The following MOCS2 variants were observed in gnomAD, a reference collection of about 807,000 sequenced individuals.
MOCS2 encodes the protein molybdenum cofactor synthesis 2, also known as molybdopterin synthase catalytic subunit.
In MOCS2, 13 loss-of-function variants were observed where a neutral mutation model predicts 21.9. That is an observed-to-expected ratio of 0.59 (90% confidence interval 0.39 to 0.94). The LOEUF is 0.94. Ranked by LOEUF, MOCS2 falls within the 40% of genes least tolerant of loss-of-function variation. MOCS2 has a pLI of 0.00. For missense variants in MOCS2, 227 were observed against 218.3 expected (o/e 1.04, Z -0.25); for synonymous variants, 92 against 80.8 (o/e 1.14, Z -0.74).
chr5:53,107,236 A>C lies in MOCS2; in HGVS notation c.-47-15T>G. 2 of 1,606,742 alleles carry C rather than the reference A, an allele frequency of 1.2e-6. No homozygotes were observed. The highest frequency in any genetic ancestry group is 1.7e-6 in the Non-Finnish European group (2 of 1,176,066). On this transcript the variant is annotated splice_polypyrimidine_tract_variant and intron_variant, in intron 2 of 6. Coordinates refer to ENST00000396954, the MANE Select transcript of MOCS2 (RefSeq NM_004531.5). ...CATCAGCCAATCTAAAGGGGAAAAA[A>C]TATGACTCAAAGTATCAACGCTATG... is the stretch of plus-strand genomic sequence containing the variant.
rs1036889519 is a variant in MOCS2 at position 53,096,235 on chromosome 5, G to A, written c.*2367C>T. On this transcript the variant is annotated 3_prime_UTR_variant, in exon 7 of 7. Transcript: ENST00000396954. ...TCTAAATCACTTATTTCTCAAAAAA[G>A]GCTGAAAATATATTGTGACTCTATA... 1.3e-5 allele frequency: 2 copies of A among 152,118 alleles called. No individual in the cohort carries two copies. The highest frequency in any genetic ancestry group is 6.5e-5 in the Admixed American group (1 of 15,272). 9.4% of individuals were successfully genotyped at this position (152,118 alleles called of 1,614,324 possible). A position where few individuals can be genotyped will look rare whatever the true frequency, so the allele number is the denominator to read the frequency against.
chr5:53,108,497 A>AACACT, intron 2 of MOCS2, 25 bp downstream of exon 2: 1 of 1,600,694 alleles, frequency 6.2e-7, no homozygotes, highest in East Asian at 2.2e-5. Context: ...TGTTACTCAT[A>AACACT]TGCATTCTAC....
intron 6 of MOCS2, 121 bp from the exon 7 acceptor site, chr5:53,098,788 A>G: frequency 1.3e-6 from 1 of 768,766 alleles, no homozygotes; most frequent in Non-Finnish European, 2.3e-6. Context: ...CTCTTTTAAC[A>G]ATCATGACGA....
At chr5:53,101,308 A>T in intron 5 of MOCS2, 51 bp downstream of exon 5, 1 of 1,539,456 alleles carries the variant, frequency 6.5e-7, no homozygotes, top group Non-Finnish European at 9.0e-7. Flanking sequence ...AGTTAGTACA[A>T]AGATGGAAAA....
rs1190534050 is a variant in MOCS2, at chr5:53,100,506, T to C, written c.406A>G (p.Ile136Val). Residue 136 changes from isoleucine to valine, a missense_variant, in exon 6 of 7, where the codon ATC becomes GTC. Coordinates refer to ENST00000396954, the MANE Select transcript of MOCS2 (RefSeq NM_004531.5). ...CTGTGGGCTGAGGACACAGCAATGA[T>C]TATGCTTGCTTCTGACACTGGAACC... Reference protein sequence around the residue: ...GLVPVSEASIIIAVSSAHRAA... With the variant: ...GLVPVSEASIVIAVSSAHRAA... 1.2e-6 allele frequency: 2 copies of C among 1,613,810 alleles called. No homozygotes were observed. The highest frequency in any genetic ancestry group is 1.1e-5 in the South Asian group (1 of 91,072).
intron 5 of MOCS2, chr5:53,101,047 G>A: frequency 2.4e-6 from 1 of 412,548 alleles, no homozygotes; most frequent in Admixed American, 4.0e-5. Flanking sequence ...GGTACAAAAA[G>A]GCAAACCACT....
chr5:53,106,587 A>T (rs1424699386), intron 3 of MOCS2, among the ~76,000 whole-genome samples: 1 of 152,204 alleles, frequency 6.6e-6, no homozygotes, highest in African/African-American at 2.4e-5. Context: ...TTGAAAAAAT[A>T]ACTGATGGGC....
At chr5:53,100,068 G>C (rs1165748611) in intron 6 of MOCS2, among the ~76,000 whole-genome samples, 1 of 151,408 alleles carries the variant, frequency 6.6e-6, no homozygotes, top group African/African-American at 2.4e-5. Flanking sequence ...TTCTATTTTA[G>C]CCATTACCTA....
rs1320682159 is a variant in MOCS2 at position 53,097,198 on chromosome 5, G to A, written c.*1404C>T. 2.0e-5 allele frequency: 3 copies of A among 152,136 alleles called. No individual in the cohort carries two copies. Among genetic ancestry groups the A allele is most frequent in the East Asian group, 3.9e-4 (2 of 5,190 alleles). The allele number at this position is 152,136 out of a possible 1,614,324, so 9.4% of individuals were successfully genotyped here. A position where few individuals can be genotyped will look rare whatever the true frequency, so the allele number is the denominator to read the frequency against. ...TCCTTCTGGCCCAATCTCTCCAGAC[G>A]GACTAATGAACAAGCATCAACTGAT... On this transcript the variant is annotated 3_prime_UTR_variant, in exon 7 of 7. Transcript: ENST00000396954.
rs953493667 is a variant in MOCS2, at chr5:53,096,818, A to T, written c.*1784T>A. On this transcript the variant is annotated 3_prime_UTR_variant, in exon 7 of 7. Transcript: ENST00000396954. ...GGCATGATTCTTTTAAAACATAAAG[A>T]ATGTTCTATGTTCTTTAAAAACATC... is the stretch of plus-strand genomic sequence containing the variant. 1 of 152,210 alleles carries T rather than the reference A, an allele frequency of 6.6e-6. No homozygotes were observed. Among genetic ancestry groups the T allele is most frequent in the African/African-American group, 2.4e-5 (1 of 41,440 alleles). The allele number at this position is 152,210 out of a possible 1,614,324, so 9.4% of individuals were successfully genotyped here. A position where few individuals can be genotyped will look rare whatever the true frequency, so the allele number is the denominator to read the frequency against.
rs3217555 is a variant in MOCS2 at position 53,101,525 on chromosome 5, A to AAAAG, written c.227-20_227-17dup. On this transcript the variant is annotated splice_polypyrimidine_tract_variant and intron_variant, in intron 4 of 6. Coordinates refer to ENST00000396954, the MANE Select transcript of MOCS2 (RefSeq NM_004531.5). Reference sequence around the variant, plus strand: ...CTTGTAGTCCCTTTAAAAATGAAAAAAAAGAAAAAGAAAACAATTAAAATA... The same window carrying AAAAG: ...CTTGTAGTCCCTTTAAAAATGAAAAAAAAGAAAGAAAAAGAAAACAATTAAAATA... 190,736 of 1,528,448 alleles carry AAAAG rather than the reference A, an allele frequency of 0.12. 12,826 individuals are homozygous for AAAAG. Among genetic ancestry groups the AAAAG allele is most frequent in the Middle Eastern group, 0.18 (1,083 of 5,874 alleles). 94.7% of individuals were successfully genotyped at this position (1,528,448 alleles called of 1,614,324 possible). A position where few individuals can be genotyped will look rare whatever the true frequency, so the allele number is the denominator to read the frequency against.
Position 53,108,546 on chromosome 5 carries a change from T to C in MOCS2, c.-72A>G. 8 of 1,613,610 alleles carry C rather than the reference T, an allele frequency of 5.0e-6. No homozygotes were observed. Among genetic ancestry groups the C allele is most frequent in the Non-Finnish European group, 6.8e-6 (8 of 1,179,728 alleles). ...CCCAGGATGTCGAGTTTCTATCTCC[T>C]TCCACAGCTGCAACGCTTTTATTTC... On this transcript the variant is annotated 5_prime_UTR_variant, in exon 2 of 7. Coordinates refer to ENST00000396954, the MANE Select transcript of MOCS2 (RefSeq NM_004531.5).
intron 6 of MOCS2, 171 bp from the exon 7 acceptor site, chr5:53,098,838 G>GTATTTTTTT: frequency 1.6e-6 from 1 of 620,130 alleles, no homozygotes; most frequent in Non-Finnish European, 2.9e-6. Flanking sequence ...AAGACAGAAA[G>GTATTTTTTT]TCTTTAGTTT....
chr5:53,100,985 C>A, intron 5 of MOCS2: 1 of 329,928 alleles, frequency 3.0e-6, no homozygotes, highest in South Asian at 3.6e-5. Context: ...ATGATAGATA[C>A]AGTCTCAATT....
chr5:53,101,148 G>A lies in MOCS2; in HGVS notation c.377+211C>T, dbSNP rs915129581. 6 of 605,986 alleles carry A rather than the reference G, an allele frequency of 9.9e-6. No individual in the cohort carries two copies. In the East Asian group the frequency reaches 1.7e-4, roughly 17 times the overall value. 37.5% of individuals were successfully genotyped at this position (605,986 alleles called of 1,614,324 possible). On this transcript the variant is annotated intron_variant, in intron 5 of 6. Transcript: ENST00000396954. ...CTTGGCACAACTGCAGTTTGTTACAGCAACAGAGGCAACAAGAGCTCTCCC... is the reference window on the plus strand; with the variant it reads ...CTTGGCACAACTGCAGTTTGTTACAACAACAGAGGCAACAAGAGCTCTCCC...
chr5:53,100,831 G>C, intron 5 of MOCS2: 1 of 400,238 alleles, frequency 2.5e-6, no homozygotes, highest in Admixed American at 4.1e-5. Flanking sequence ...ACAAGGCACA[G>C]TGCCAAGTAA....
chr5:53,108,781 A>T (rs1035100487), intron 1 of MOCS2, 138 bp from the exon 2 acceptor site: 15 of 858,286 alleles, frequency 1.7e-5, no homozygotes, highest in Non-Finnish European at 2.2e-5. Flanking sequence ...AACCCGTAAA[A>T]AATTTCAGTA....
intron 5 of MOCS2, chr5:53,101,070 G>T: frequency 2.2e-6 from 1 of 454,468 alleles, no homozygotes; most frequent in Non-Finnish European, 3.9e-6. Context: ...AATGACTTTC[G>T]AGGCATTTAT....
rs1235653211 is a variant in MOCS2, at chr5:53,102,210, TCATC to T, written c.109_112del (p.Asp37LysfsTer10). On this transcript the variant is annotated frameshift_variant, in exon 4 of 7. Transcript: ENST00000396954. LOFTEE classifies it high-confidence loss of function. The stretch of plus-strand genomic sequence containing the variant: ...AACATCTTTAGATTTCTCTTCAACT[TCATC>T]CATATCTTTCCTAGAAATAATACAT... 6 of 1,612,098 alleles carry T rather than the reference TCATC, an allele frequency of 3.7e-6. No individual in the cohort carries two copies. The highest frequency in any genetic ancestry group is 5.1e-6 in the Non-Finnish European group (6 of 1,178,612).
Sources: allele counts gnomAD v4.1 joint callset (sites outside exome capture counted in the v4.1 genomes callset), GRCh38; gene constraint gnomAD v4.1.1; transcripts MANE v1.5; gene names NCBI Gene and HGNC (gene_info 2026-07-23, HGNC 2026-07-21).